The following ALK variants were observed in gnomAD, a reference collection of about 807,000 sequenced individuals.
The protein encoded by ALK is ALK tyrosine kinase receptor.
A neutral mutation model predicts 163.1 loss-of-function variants in ALK; 74 were observed. The ratio of observed to expected loss-of-function variants is 0.45; its 90% confidence interval spans 0.38 to 0.55. The LOEUF (loss-of-function observed/expected upper bound fraction) is 0.55, where lower values mean the gene tolerates loss of function less well. Among genes scored for constraint, ALK ranks in the 20% least tolerant of loss-of-function variants. The pLI is 0.00. For missense variants in ALK, 2,063 were observed against 2,105.3 expected (o/e 0.98, Z 0.39); for synonymous variants, 960 against 843.2 (o/e 1.14, Z -2.40).
At chr2:29,313,326 G>C (rs532798438) in intron 8 of ALK, among the ~76,000 whole-genome samples, 1 of 152,310 alleles carries the variant, frequency 6.6e-6, no homozygotes, top group African/African-American at 2.4e-5. Flanking sequence ...ATCACATGGG[G>C]CCGAGAATGA....
At chr2:29,584,098 C>T (rs919056581) in intron 3 of ALK, among the ~76,000 whole-genome samples, 3 of 151,936 alleles carry the variant, frequency 2.0e-5, no homozygotes, top group African/African-American at 7.3e-5. Context: ...TTCAAGAGAG[C>T]CCCCTGAAAT....
At chr2:29,587,642 C>T (rs1674927933) in intron 3 of ALK, among the ~76,000 whole-genome samples, 1 of 152,148 alleles carries the variant, frequency 6.6e-6, no homozygotes, top group Non-Finnish European at 1.5e-5. Context: ...CTGTCCATAG[C>T]TTCACTTCTT....
At chr2:29,495,794 C>T (rs1573401741) in intron 4 of ALK, among the ~76,000 whole-genome samples, 1 of 152,132 alleles carries the variant, frequency 6.6e-6, no homozygotes, top group African/African-American at 2.4e-5. Context: ...TCTTGTGTTT[C>T]GTCTTTTCTT....
chr2:29,291,743 G>T (rs183769155), intron 9 of ALK, among the ~76,000 whole-genome samples: 30 of 152,202 alleles, frequency 2.0e-4, no homozygotes, highest in African/African-American at 7.2e-4. Flanking sequence ...TTTTTTTAGG[G>T]GTGTGTCTAG....
intron 3 of ALK, among the ~76,000 whole-genome samples, chr2:29,669,867 A>G (rs936969702): frequency 8.0e-4 from 35 of 43,944 alleles, no homozygotes; most frequent in Non-Finnish European, 5.6e-4. Context: ...GAATAAAAAC[A>G]AAGGCAAAAA....
intron 1 of ALK, among the ~76,000 whole-genome samples, chr2:29,723,644 A>C (rs1439892661): frequency 6.6e-6 from 1 of 152,210 alleles, no homozygotes; most frequent in Non-Finnish European, 1.5e-5. Flanking sequence ...ACTCTGCCAA[A>C]CCTCAATTTT....
intron 23 of ALK, among the ~76,000 whole-genome samples, chr2:29,219,212 G>A (rs1196601120): frequency 1.3e-5 from 2 of 152,220 alleles, no homozygotes; most frequent in Non-Finnish European, 2.9e-5. Context: ...ACAGACAGGT[G>A]TAGTCTTTAT....
At chr2:29,814,999 T>C (rs1323499068) in intron 1 of ALK, among the ~76,000 whole-genome samples, 1 of 148,940 alleles carries the variant, frequency 6.7e-6, no homozygotes, top group African/African-American at 2.5e-5. Context: ...AATGAATGAA[T>C]GAATGAGTGG....
chr2:29,792,143 G>C (rs1206120204), intron 1 of ALK, among the ~76,000 whole-genome samples: 4 of 152,136 alleles, frequency 2.6e-5, no homozygotes, highest in African/African-American at 9.7e-5. Context: ...TTTTTTGTTA[G>C]GGAAAACAAA....
intron 11 of ALK, among the ~76,000 whole-genome samples, chr2:29,261,284 T>C (rs1665082252): frequency 6.6e-6 from 1 of 152,168 alleles, no homozygotes; most frequent in Non-Finnish European, 1.5e-5. Flanking sequence ...CATTTTGAAG[T>C]TTTAGGGGAA....
chr2:29,323,194 G>T (rs917374098), intron 6 of ALK, among the ~76,000 whole-genome samples: 1 of 152,224 alleles, frequency 6.6e-6, no homozygotes, highest in African/African-American at 2.4e-5. Context: ...GTAGGGGAGA[G>T]AGTGTGGAAA....
chr2:29,291,417 G>A (rs1211868938), intron 9 of ALK, among the ~76,000 whole-genome samples: 1 of 152,068 alleles, frequency 6.6e-6, no homozygotes, highest in Admixed American at 6.6e-5. Flanking sequence ...TGTTTTTCAA[G>A]TTTCTGCTAC....
At chr2:29,493,197 AT>A (rs1301104426) in intron 4 of ALK, among the ~76,000 whole-genome samples, 1 of 152,176 alleles carries the variant, frequency 6.6e-6, no homozygotes, top group Admixed American at 6.5e-5. Flanking sequence ...CCTGTCTCAC[AT>A]TTTTTTCCAA....
At position 29,193,498 on chromosome 2, in the gene ALK, C is replaced by T. The variant is rs141242925; in HGVS notation, c.4589G>A (p.Arg1530Lys). The change falls in exon 29 of 29, where the codon AGG becomes AAG. Residue 1530 changes from arginine (R) to lysine (K), a missense_variant. Physicochemically the swap from Arg to Lys is conservative, Grantham distance 26. Transcript: ENST00000389048. ...GCTTCCCTCCAGCCCCAGGTTACCCCTGTCGTGTGGCTCCTTCTTTGCTAT... is the reference window on the plus strand; with the variant it reads ...GCTTCCCTCCAGCCCCAGGTTACCCTTGTCGTGTGGCTCCTTCTTTGCTAT... Reference protein sequence around the residue: ...NPIAKKEPHDRGNLGLEGSCT... With the variant: ...NPIAKKEPHDKGNLGLEGSCT... 4.3e-6 allele frequency: 7 copies of T among 1,614,080 alleles called. No homozygotes were observed. In the African/African-American group the frequency reaches 6.7e-5, roughly 15 times the overall value.
chr2:29,240,748 A>G (rs1239933001), intron 12 of ALK, among the ~76,000 whole-genome samples: 2 of 152,232 alleles, frequency 1.3e-5, no homozygotes, highest in Non-Finnish European at 2.9e-5. Flanking sequence ...CTTCTGAACC[A>G]TATCAGAAGA....
chr2:29,220,685 C>CAAAG (rs1167006804), intron 23 of ALK, 21 bp downstream of exon 23: 4 of 1,613,318 alleles, frequency 2.5e-6, no homozygotes, highest in Non-Finnish European at 3.4e-6. Flanking sequence ...ACAACTGCAG[C>CAAAG]AAAGACTGGT....
intron 1 of ALK, among the ~76,000 whole-genome samples, chr2:29,808,858 C>T (rs142882284): frequency 2.2e-4 from 33 of 152,306 alleles, no homozygotes; most frequent in Middle Eastern, 3.4e-3. Context: ...ATGTCTGCCA[C>T]GGCCCCAGTG....
chr2:29,618,051 T>G (rs1675909830), intron 3 of ALK, among the ~76,000 whole-genome samples: 1 of 152,190 alleles, frequency 6.6e-6, no homozygotes, highest in African/African-American at 2.4e-5. Context: ...TCCGTAGCTT[T>G]CCTTAGGATC....
intron 3 of ALK, among the ~76,000 whole-genome samples, chr2:29,580,562 G>T (rs146454034): frequency 6.6e-6 from 1 of 152,170 alleles, no homozygotes; most frequent in Non-Finnish European, 1.5e-5. Context: ...TTAGAGCCCC[G>T]TTATTACAGT....
Sources: allele counts gnomAD v4.1 joint callset (sites outside exome capture counted in the v4.1 genomes callset), GRCh38; gene constraint gnomAD v4.1.1; transcripts MANE v1.5; gene names NCBI Gene and HGNC (gene_info 2026-07-23, HGNC 2026-07-21).